ZNF385B: variants seen among roughly 807,000 people sequenced by gnomAD.
ZNF385B encodes the protein zinc finger protein 533.
A neutral mutation model predicts 39.2 loss-of-function variants in ZNF385B; 23 were observed. The ratio of observed to expected loss-of-function variants is 0.59; its 90% CI spans 0.42 to 0.83. ZNF385B has a LOEUF of 0.83. ZNF385B is among the 40% of genes least tolerant of loss of function. The pLI is 0.00. For synonymous variants in ZNF385B, 205 were observed against 222.6 expected (o/e 0.92, Z 0.70); for missense variants, 552 against 598.9 (o/e 0.92, Z 0.82).
At chr2:179,858,571 A>C (rs1212973676) in intron 1 of ZNF385B, among the ~76,000 whole-genome samples, 2 of 152,168 alleles carry the variant, frequency 1.3e-5, no homozygotes, top group Non-Finnish European at 2.9e-5. Context: ...TTTTTTTAAA[A>C]AAAGAAAGAA....
chr2:179,443,221 G>A lies in ZNF385B; in HGVS notation c.*29C>T. 6.2e-7 allele frequency: 1 copy of A among 1,610,372 alleles called. No individual in the cohort carries two copies. The highest frequency in any genetic ancestry group is 2.2e-5 in the East Asian group (1 of 44,866). ...TGGCTTTCTTTCTCAACTTCCTACT[G>A]GCCTCAAACGTCTTGGGGTTTGCAG... On this transcript the variant is annotated 3_prime_UTR_variant, in exon 10 of 10. Transcript: ENST00000410066.
intron 3 of ZNF385B, among the ~76,000 whole-genome samples, chr2:179,647,622 G>T (rs1692835441): frequency 6.6e-6 from 1 of 152,154 alleles, no homozygotes; most frequent in Non-Finnish European, 1.5e-5. Context: ...GGAGTTCCCA[G>T]GGATAGGGGA....
intron 3 of ZNF385B, among the ~76,000 whole-genome samples, chr2:179,742,503 GT>G (rs1702143180): frequency 6.6e-6 from 1 of 151,830 alleles, no homozygotes; most frequent in Non-Finnish European, 1.5e-5. Context: ...ATTATTTATT[GT>G]TTTAGCTAAA....
At chr2:179,802,297 ATCATCCATTTAAAATGC>A in intron 1 of ZNF385B, among the ~76,000 whole-genome samples, 1 of 152,038 alleles carries the variant, frequency 6.6e-6, no homozygotes, top group Non-Finnish European at 1.5e-5. Context: ...ATCATTTTAA[ATCATCCATTTAAAATGC>A]TACATTCCTT....
At chr2:179,837,016 C>A (rs576635853) in intron 1 of ZNF385B, among the ~76,000 whole-genome samples, 1 of 152,238 alleles carries the variant, frequency 6.6e-6, no homozygotes, top group African/African-American at 2.4e-5. Context: ...TTAAATCATA[C>A]ATCATTTTTA....
intron 1 of ZNF385B, among the ~76,000 whole-genome samples, chr2:179,835,541 A>G (rs1708202460): frequency 2.0e-5 from 3 of 152,176 alleles, no homozygotes; most frequent in African/African-American, 4.8e-5. Context: ...CAAAGGTCTA[A>G]GGAATACGAC....
intron 3 of ZNF385B, among the ~76,000 whole-genome samples, chr2:179,699,203 A>G (rs1180182591): frequency 1.3e-5 from 2 of 152,144 alleles, no homozygotes. Flanking sequence ...TTATACAATC[A>G]TCACCACCAT....
chr2:179,661,023 T>C (rs546289313), intron 3 of ZNF385B, among the ~76,000 whole-genome samples: 1 of 152,330 alleles, frequency 6.6e-6, no homozygotes, highest in African/African-American at 2.4e-5. Context: ...TTATCGGTAC[T>C]TGTTCATATT....
At chr2:179,846,168 T>C (rs539333483) in intron 1 of ZNF385B, among the ~76,000 whole-genome samples, 12 of 152,364 alleles carry the variant, frequency 7.9e-5, no homozygotes, top group African/African-American at 2.9e-4. Context: ...TATGTTTACA[T>C]TTCAGACCCA....
intron 4 of ZNF385B, among the ~76,000 whole-genome samples, chr2:179,524,625 G>A (rs1201500736): frequency 2.0e-5 from 3 of 146,754 alleles, no homozygotes; most frequent in Non-Finnish European, 4.5e-5. Context: ...ATTTCTAGAG[G>A]TCCAATATGT....
At chr2:179,675,281 C>T (rs1452101247) in intron 3 of ZNF385B, among the ~76,000 whole-genome samples, 1 of 152,082 alleles carries the variant, frequency 6.6e-6, no homozygotes, top group Non-Finnish European at 1.5e-5. Flanking sequence ...TCACCTTAGT[C>T]GTCCTCATGT....
chr2:179,622,083 T>G (rs1690264667), intron 3 of ZNF385B, among the ~76,000 whole-genome samples: 1 of 152,158 alleles, frequency 6.6e-6, no homozygotes, highest in Non-Finnish European at 1.5e-5. Flanking sequence ...CATTTGCTTA[T>G]CAAAAATCTA....
intron 3 of ZNF385B, among the ~76,000 whole-genome samples, chr2:179,671,802 T>C (rs2106305077): frequency 6.6e-6 from 1 of 152,196 alleles, no homozygotes; most frequent in African/African-American, 2.4e-5. Flanking sequence ...AGCAAAGCAG[T>C]GGGGGTGTGG....
chr2:179,669,451 C>A (rs950327062), intron 3 of ZNF385B, among the ~76,000 whole-genome samples: 6 of 152,130 alleles, frequency 3.9e-5, no homozygotes, highest in African/African-American at 1.4e-4. Context: ...ATTTAAAATT[C>A]CCAGCATATT....
At chr2:179,704,836 A>G (rs1239363409) in intron 3 of ZNF385B, among the ~76,000 whole-genome samples, 3 of 152,170 alleles carry the variant, frequency 2.0e-5, no homozygotes, top group East Asian at 1.9e-4. Context: ...CAATCCCTCC[A>G]GGCATTTTTG....
intron 3 of ZNF385B, among the ~76,000 whole-genome samples, chr2:179,710,551 G>A (rs150836981): frequency 2.6e-5 from 4 of 152,250 alleles, no homozygotes; most frequent in African/African-American, 9.6e-5. Flanking sequence ...TACTTCCATT[G>A]TCTTATTCTG....
chr2:179,801,864 G>A (rs985434942), intron 1 of ZNF385B, among the ~76,000 whole-genome samples: 5 of 152,070 alleles, frequency 3.3e-5, no homozygotes, highest in Non-Finnish European at 7.4e-5. Context: ...GGTGGCAGAA[G>A]GAAAGAGTCT....
In ZNF385B at chr2:179,639,226, C is replaced by CAAAAAA. The variant is rs59905278; in HGVS notation, c.299-94263_299-94258dup. ...CTGGGGACAGAGTGAGATCCTGCCT[C>CAAAAAA]AAAAAAAAAAAAAAAAAAAAAAAGG... is the stretch of plus-strand genomic sequence containing the variant. On this transcript the variant is annotated intron_variant, in intron 3 of 9. Coordinates refer to ENST00000410066, the MANE Select transcript of ZNF385B (RefSeq NM_152520.6). 3.3e-3 allele frequency among the ~76,000 whole-genome samples: 305 copies of CAAAAAA among 92,988 alleles called. 2 individuals carry two copies. Among genetic ancestry groups the CAAAAAA allele is most frequent in the African/African-American group, 6.4e-3 (151 of 23,760 alleles). 61.0% of individuals were successfully genotyped at this position (92,988 alleles called of 152,430 possible).
At chr2:179,475,251 ATTTTT>A (rs767500606) in intron 6 of ZNF385B, among the ~76,000 whole-genome samples, 4 of 136,948 alleles carry the variant, frequency 2.9e-5, no homozygotes, top group Non-Finnish European at 4.7e-5. Context: ...TTATCGCACA[ATTTTT>A]TTTTTTTTTT....
Sources: gnomAD v4.1 joint callset for allele counts (sites outside exome capture counted in the v4.1 genomes callset) on GRCh38, gnomAD v4.1.1 for gene constraint, MANE v1.5 for transcripts, NCBI Gene and HGNC (gene_info 2026-07-23, HGNC 2026-07-21) for gene names.